PREX1: variants seen among roughly 807,000 people sequenced by gnomAD.
PREX1 encodes the protein phosphatidylinositol 3,4,5-trisphosphate-dependent Rac exchanger 1 protein.
In PREX1, 41 loss-of-function variants were observed where a neutral mutation model predicts 198.3. The ratio of observed to expected loss-of-function variants is 0.21; its 90% confidence interval spans 0.16 to 0.27. The LOEUF (loss-of-function observed/expected upper bound fraction) is 0.27. PREX1 is among the 10% of genes least tolerant of loss of function. The probability of loss-of-function intolerance (pLI) is 1.00; values close to 1 mark genes in which losing one functional copy is unlikely to be tolerated. For missense variants in PREX1, 1,620 were observed against 2,200.7 expected (o/e 0.74, Z 5.28); for synonymous variants, 843 against 887.2 (o/e 0.95, Z 0.89).
the PREX1 span, among the ~76,000 whole-genome samples, chr20:48,886,473 C>T: frequency 1.3e-5 from 2 of 152,164 alleles, no homozygotes. Context: ...CACCATGGAA[C>T]CACTGCTCAG....
rs142335264 is a variant in PREX1 at position 48,637,245 on chromosome 20, G to C, written c.3946+466C>G. 1.9e-4 allele frequency among the ~76,000 whole-genome samples: 29 copies of C among 152,356 alleles called. No individual in the cohort carries two copies. In the East Asian group the frequency reaches 5.4e-3, roughly 28 times the overall value. The stretch of plus-strand genomic sequence containing the variant: ...TCTTCTGGAAGGAATTATTTCCAAT[G>C]GCCGGCTTCTGGCCAGTGAGTTTTT... On this transcript the variant is annotated intron_variant, in intron 31 of 39. Transcript: ENST00000371941.
At chr20:48,712,980 C>T (rs1014940001) in intron 5 of PREX1, among the ~76,000 whole-genome samples, 4 of 152,212 alleles carry the variant, frequency 2.6e-5, no homozygotes, top group African/African-American at 9.6e-5. Flanking sequence ...AAAAATTAGC[C>T]GGGCGTGGCG....
intron 1 of PREX1, among the ~76,000 whole-genome samples, chr20:48,801,142 T>C (rs1009184416): frequency 2.0e-5 from 3 of 152,204 alleles, no homozygotes; most frequent in Non-Finnish European, 4.4e-5. Context: ...TAAGACATGG[T>C]CTAGCTCGTG....
At chr20:48,785,128 G>C (rs577973806) in intron 1 of PREX1, among the ~76,000 whole-genome samples, 1 of 152,178 alleles carries the variant, frequency 6.6e-6, no homozygotes, top group African/African-American at 2.4e-5. Context: ...TGGCCAGGCT[G>C]GTCTGGAACT....
chr20:48,632,435 G>T (rs1255963521), intron 34 of PREX1, 44 bp from the exon 35 acceptor site: 2 of 1,613,226 alleles, frequency 1.2e-6, no homozygotes, highest in South Asian at 1.1e-5. Context: ...TTGGGAGCCG[G>T]TGTGCTTGGT....
intron 1 of PREX1, among the ~76,000 whole-genome samples, chr20:48,776,370 G>A (rs556364735): frequency 2.0e-5 from 3 of 152,294 alleles, no homozygotes; most frequent in Non-Finnish European, 4.4e-5. Context: ...CGAGACAGGC[G>A]CTCTGAGAGC....
Position 48,725,692 on chromosome 20 carries a change from A to C in PREX1, c.621+598T>G, listed in dbSNP as rs371828624. On this transcript the variant is annotated intron_variant, in intron 5 of 39. Transcript: ENST00000371941. Reference sequence around the variant, plus strand: ...CATGACCCAAGTCTGAGCCAATTAGAATTCCCTTGCTCAAAATGATTGGTT... The same window carrying C: ...CATGACCCAAGTCTGAGCCAATTAGCATTCCCTTGCTCAAAATGATTGGTT... Among the ~76,000 whole-genome samples the C allele has an allele frequency of 1.8e-4, 27 of 152,306 alleles. No homozygotes were observed. In the South Asian group the frequency reaches 5.6e-3, roughly 32 times the overall value.
chr20:48,734,447 G>A, intron 4 of PREX1, 99 bp downstream of exon 4: 2 of 1,036,716 alleles, frequency 1.9e-6, no homozygotes, highest in Non-Finnish European at 3.0e-6. Context: ...CCAAGGAAAG[G>A]ATTTGGCACC....
the PREX1 span, among the ~76,000 whole-genome samples, chr20:48,867,245 C>G: frequency 6.6e-6 from 1 of 152,184 alleles, no homozygotes; most frequent in African/African-American, 2.4e-5. Context: ...AGCCAATCCA[C>G]TTCAAGTTTC....
intron 3 of PREX1, among the ~76,000 whole-genome samples, chr20:48,738,414 T>C (rs750125998): frequency 7.2e-5 from 11 of 152,058 alleles, no homozygotes; most frequent in Non-Finnish European, 1.5e-4. Context: ...CTTGGAGAAG[T>C]TAAATTTAGC....
intron 4 of PREX1, among the ~76,000 whole-genome samples, chr20:48,734,240 TTTGTAAA>T (rs1357724109): frequency 6.6e-6 from 1 of 152,190 alleles, no homozygotes; most frequent in African/African-American, 2.4e-5. Context: ...TCTGCCTGTT[TTTGTAAA>T]TAAAGTTTTA....
At chr20:48,837,626 T>C in the PREX1 span, among the ~76,000 whole-genome samples, 2 of 152,070 alleles carry the variant, frequency 1.3e-5, no homozygotes, top group Admixed American at 1.3e-4. Flanking sequence ...TGACGAGAAC[T>C]CATGGACGCA....
Position 48,624,490 on chromosome 20 carries a change from G to C in PREX1, c.*1395C>G. On this transcript the variant is annotated 3_prime_UTR_variant, in exon 40 of 40. Transcript: ENST00000371941. ...GAGGGAAGCGCACCCTGGAGGGCGGGAGGCTCGGATGCCAGATGCCGGGAG... is the reference window on the plus strand; with the variant it reads ...GAGGGAAGCGCACCCTGGAGGGCGGCAGGCTCGGATGCCAGATGCCGGGAG... The C allele has an allele frequency of 6.5e-6, 1 of 152,682 alleles. No individual in the cohort carries two copies. Among genetic ancestry groups the C allele is most frequent in the Non-Finnish European group, 1.5e-5 (1 of 68,044 alleles). 9.5% of individuals were successfully genotyped at this position (152,682 alleles called of 1,614,324 possible). A position where few individuals can be genotyped will look rare whatever the true frequency, so the allele number is the denominator to read the frequency against.
intron 11 of PREX1, 59 bp from the exon 12 acceptor site, chr20:48,679,813 GC>G (rs1409690847): frequency 2.0e-5 from 27 of 1,371,328 alleles, no homozygotes; most frequent in Non-Finnish European, 2.5e-5. Flanking sequence ...TCCCAGCCAC[GC>G]CCCCCAGCAT....
At chr20:48,747,937 G>C (rs1051271038) in intron 1 of PREX1, 57 bp from the exon 2 acceptor site, 1 of 1,495,398 alleles carries the variant, frequency 6.7e-7, no homozygotes, top group South Asian at 1.2e-5. Flanking sequence ...TCCCATGGAC[G>C]GCCCTACAGA....
At chr20:48,761,649 A>C (rs2090180927) in intron 1 of PREX1, among the ~76,000 whole-genome samples, 1 of 152,116 alleles carries the variant, frequency 6.6e-6, no homozygotes, top group African/African-American at 2.4e-5. Flanking sequence ...AGAGGAACCC[A>C]ATGCTTTTCT....
intron 1 of PREX1, among the ~76,000 whole-genome samples, chr20:48,811,604 G>A (rs1189982340): frequency 1.3e-5 from 2 of 148,342 alleles, no homozygotes; most frequent in Non-Finnish European, 1.5e-5. Flanking sequence ...GCACTCTACT[G>A]ACAAGACCTG....
chr20:48,734,524 C>T (rs772509753), intron 4 of PREX1, 22 bp downstream of exon 4: 1 of 1,604,468 alleles, frequency 6.2e-7, no homozygotes, highest in South Asian at 1.1e-5. Context: ...AAGGGAGCAC[C>T]AGGGCTGACG....
At chr20:48,824,078 C>T (rs760579724) in intron 1 of PREX1, among the ~76,000 whole-genome samples, 55 of 152,210 alleles carry the variant, frequency 3.6e-4, no homozygotes, top group Non-Finnish European at 5.7e-4. Flanking sequence ...CCAGAGCACA[C>T]GGGGAGTACC....
Sources: allele counts gnomAD v4.1 joint callset (sites outside exome capture counted in the v4.1 genomes callset), GRCh38; gene constraint gnomAD v4.1.1; transcripts MANE v1.5; gene names NCBI Gene and HGNC (gene_info 2026-07-23, HGNC 2026-07-21).